The following KIF26B variants were observed in gnomAD, a reference collection of about 807,000 sequenced individuals.
KIF26B encodes the protein kinesin-like protein KIF26B.
In KIF26B, 63 loss-of-function variants were observed where a neutral mutation model predicts 151.2. The observed-to-expected ratio is 0.42, with a 90% CI of 0.34 to 0.51. KIF26B has a LOEUF of 0.51. KIF26B is among the 20% of genes least tolerant of loss of function. KIF26B has a pLI of 0.07. For synonymous variants in KIF26B, 1,357 were observed against 1,262.1 expected, an observed-to-expected ratio of 1.08 and a Z score of -1.59; for missense variants, 2,813 against 2,913.6, an observed-to-expected ratio of 0.97 and a Z score of 0.79.
chr1:245,316,740 A>G (rs1239339787), intron 2 of KIF26B, among the ~76,000 whole-genome samples: 1 of 148,464 alleles, frequency 6.7e-6, no homozygotes, highest in Non-Finnish European at 1.5e-5. Flanking sequence ...CAGTTTCCCT[A>G]TACTGATTTG....
At chr1:245,607,771 C>A (rs776745665) in intron 7 of KIF26B, 27 bp downstream of exon 7, 6 of 1,565,646 alleles carry the variant, frequency 3.8e-6, no homozygotes, top group East Asian at 2.3e-5. Flanking sequence ...CTTTCTCATG[C>A]GGCTCGTTGA....
Position 245,686,784 on chromosome 1 carries a change from G to A in KIF26B, c.3801G>A (p.Lys1267=), listed in dbSNP as rs2044530480. The change falls in exon 12 of 15, where the codon AAG becomes AAA. Residue 1267 remains lysine (K), a synonymous_variant. Coordinates refer to ENST00000407071, the MANE Select transcript of KIF26B (RefSeq NM_018012.4). The surrounding 1 kb of genome is among the most constrained non-coding windows in gnomAD (Gnocchi z 5.6). ...TCCCGAAGATGAGCCTGGATGAGAA[G>A]GCCCAGGACGCAGGGAGCAGACGCT... is the stretch of plus-strand genomic sequence containing the variant. ...LPLPKMSLDE[K]AQDAGSRRSS... is the part of the protein sequence containing the mutation. The A allele has an allele frequency of 6.2e-7, 1 of 1,613,448 alleles. No homozygotes were observed. The highest frequency in any genetic ancestry group is 1.1e-5 in the South Asian group (1 of 91,034).
At chr1:245,566,174 C>T (rs2043008484) in intron 5 of KIF26B, among the ~76,000 whole-genome samples, 1 of 152,218 alleles carries the variant, frequency 6.6e-6, no homozygotes, top group African/African-American at 2.4e-5. Context: ...ACCTCTGAGC[C>T]ATATCACCAT....
At chr1:245,444,686 G>A (rs1427536322) in intron 4 of KIF26B, among the ~76,000 whole-genome samples, 2 of 152,144 alleles carry the variant, frequency 1.3e-5, no homozygotes, top group Non-Finnish European at 2.9e-5. Context: ...GATATAATAG[G>A]ACAAGGCAGA....
chr1:245,583,193 G>A (rs371552097), intron 5 of KIF26B, among the ~76,000 whole-genome samples: 5 of 152,108 alleles, frequency 3.3e-5, no homozygotes, highest in African/African-American at 1.2e-4. Flanking sequence ...GGAAGATCCC[G>A]TTGCTGAATA....
intron 4 of KIF26B, among the ~76,000 whole-genome samples, chr1:245,514,409 G>T (rs1195062869): frequency 6.6e-6 from 1 of 151,932 alleles, no homozygotes; most frequent in East Asian, 1.9e-4. Flanking sequence ...GGCGTCTGTA[G>T]TCCCAGCTAC....
chr1:245,413,520 G>A (rs1447208170), intron 3 of KIF26B, among the ~76,000 whole-genome samples: 2 of 152,028 alleles, frequency 1.3e-5, no homozygotes, highest in African/African-American at 4.8e-5. Flanking sequence ...AAAATTAGCT[G>A]GGCATGGTGG....
chr1:245,171,703 G>A (rs7511695), intron 2 of KIF26B, among the ~76,000 whole-genome samples: 146,013 of 152,312 alleles, frequency 0.96, 70,279 homozygotes, highest in East Asian at 1. Context: ...ATGGCATAGA[G>A]GGAACCTACA....
At position 245,367,162 on chromosome 1, in the gene KIF26B, G is replaced by A. The variant is rs772720547; in HGVS notation, c.794G>A (p.Gly265Asp). 3.7e-6 allele frequency: 6 copies of A among 1,605,440 alleles called. No individual in the cohort carries two copies. The East Asian group carries it at 6.7e-5, about 18-fold the overall frequency. Residue 265 changes from glycine to aspartate, a missense_variant, in exon 3 of 15, where the codon GGC becomes GAC. Physicochemically the swap from Gly to Asp is moderately conservative, Grantham distance 94 (BLOSUM62 -1). Transcript: ENST00000407071. This position sits in a 1 kb window ranked among gnomAD's most constrained non-coding sequence, Gnocchi z 4.2. ...SNYTGFANKH[G>D]SKPSSLGVSN... Reference sequence around the variant, plus strand: ...TACACAGGCTTCGCCAACAAGCACGGCAGCAAACCCAGCAGCCTTGGGGTC... The same window carrying A: ...TACACAGGCTTCGCCAACAAGCACGACAGCAAACCCAGCAGCCTTGGGGTC...
chr1:245,358,984 G>A lies in KIF26B; in HGVS notation c.466-7850G>A, dbSNP rs148986630. ...ATATACTGGAGAACAAGATTTTCAG[G>A]GTTGAAGATACGCTGATGTGAAATC... On this transcript the variant is annotated intron_variant, in intron 2 of 14. Transcript: ENST00000407071. This position sits in a 1 kb window ranked among gnomAD's most constrained non-coding sequence, Gnocchi z 4.1. Among the ~76,000 whole-genome samples the A allele has an allele frequency of 1.3e-5, 2 of 152,144 alleles. No individual in the cohort carries two copies. The highest frequency in any genetic ancestry group is 4.8e-5 in the African/African-American group (2 of 41,514).
intron 2 of KIF26B, among the ~76,000 whole-genome samples, chr1:245,268,124 A>G (rs1670780721): frequency 6.6e-6 from 1 of 151,974 alleles, no homozygotes; most frequent in Non-Finnish European, 1.5e-5. Flanking sequence ...GTGAGCCATG[A>G]TTGCACCACT....
intron 4 of KIF26B, among the ~76,000 whole-genome samples, chr1:245,445,315 T>A (rs1319780795): frequency 6.6e-6 from 1 of 152,158 alleles, no homozygotes; most frequent in Non-Finnish European, 1.5e-5. Flanking sequence ...TGGATAACAA[T>A]TTTAAAATGC....
At chr1:245,235,479 G>C (rs1476175713) in intron 2 of KIF26B, among the ~76,000 whole-genome samples, 1 of 151,710 alleles carries the variant, frequency 6.6e-6, no homozygotes, top group Non-Finnish European at 1.5e-5. Context: ...TTTAATTCTA[G>C]CTACTCAGGA....
chr1:245,571,344 A>T (rs993343544), intron 5 of KIF26B, among the ~76,000 whole-genome samples: 1 of 152,232 alleles, frequency 6.6e-6, no homozygotes, highest in Non-Finnish European at 1.5e-5. Context: ...CGCTGTTGAT[A>T]GAAAGACACC....
chr1:245,202,588 G>A (rs1457202774), intron 2 of KIF26B, among the ~76,000 whole-genome samples: 5 of 151,930 alleles, frequency 3.3e-5, no homozygotes, highest in African/African-American at 9.7e-5. Flanking sequence ...GTGAAACCGC[G>A]TCTTTACTAA....
intron 9 of KIF26B, among the ~76,000 whole-genome samples, chr1:245,628,569 A>T (rs1286572703): frequency 6.6e-6 from 1 of 152,232 alleles, no homozygotes; most frequent in African/African-American, 2.4e-5. Flanking sequence ...AACACCCTTC[A>T]TGCCTCAATA....
intron 2 of KIF26B, among the ~76,000 whole-genome samples, chr1:245,219,179 C>T (rs58158674): frequency 0.21 from 27,129 of 128,916 alleles, 3,020 homozygotes; most frequent in East Asian, 0.51. Flanking sequence ...TGCTCTGTTG[C>T]CCAGGCTGGA....
At chr1:245,482,632 G>A (rs1660191749) in intron 4 of KIF26B, among the ~76,000 whole-genome samples, 1 of 151,718 alleles carries the variant, frequency 6.6e-6, no homozygotes, top group Non-Finnish European at 1.5e-5. Flanking sequence ...CGAGGGCACA[G>A]CTGGGTAGGA....
chr1:245,443,047 AGAGTGGT>A (rs1659152449), intron 4 of KIF26B, among the ~76,000 whole-genome samples: 1 of 80,070 alleles, frequency 1.2e-5, no homozygotes, highest in Admixed American at 1.2e-4. Flanking sequence ...CTGTTCACCT[AGAGTGGT>A]CATCTCCCTC....
Sources: allele counts gnomAD v4.1 joint callset (sites outside exome capture counted in the v4.1 genomes callset), GRCh38; gene constraint gnomAD v4.1.1; non-coding constraint Gnocchi (gnomAD v3.1); transcripts MANE v1.5; gene names NCBI Gene and HGNC (gene_info 2026-07-23, HGNC 2026-07-21).